KDM4C: variants seen among roughly 807,000 people sequenced by gnomAD.
KDM4C encodes lysine-specific demethylase 4C.
In KDM4C, 81 loss-of-function variants were observed where a neutral mutation model predicts 129.3. That is an observed-to-expected ratio of 0.63 (90% CI 0.52 to 0.75). The LOEUF (loss-of-function observed/expected upper bound fraction) is 0.75. Among genes scored for constraint, KDM4C ranks in the 30% least tolerant of loss-of-function variants. The probability of loss-of-function intolerance (pLI) is 0.00; values close to 1 mark genes in which losing one functional copy is unlikely to be tolerated. For synonymous variants in KDM4C, 573 were observed against 456.1 expected (o/e 1.26, Z -3.26); for missense variants, 1,457 against 1,304.0 (o/e 1.12, Z -1.81).
At chr9:7,160,554 C>T (rs944356725) in intron 19 of KDM4C, among the ~76,000 whole-genome samples, 5 of 152,136 alleles carry the variant, frequency 3.3e-5, no homozygotes, top group African/African-American at 1.2e-4. Context: ...CTATTCCCTT[C>T]CGGTTGTTAG....
chr9:6,738,011 G>A (rs1217467981), intron 1 of KDM4C, among the ~76,000 whole-genome samples: 1 of 151,750 alleles, frequency 6.6e-6, no homozygotes, highest in African/African-American at 2.4e-5. Context: ...GCAGGTGCCT[G>A]TAATTCTAGC....
At chr9:6,856,539 CGTGT>C (rs201267627) in intron 5 of KDM4C, among the ~76,000 whole-genome samples, 12,465 of 131,492 alleles carry the variant, frequency 0.095, 615 homozygotes, top group Non-Finnish European at 0.13. Flanking sequence ...TCTCTGTGTG[CGTGT>C]GTGTGTGTGT....
intron 8 of KDM4C, among the ~76,000 whole-genome samples, chr9:6,922,806 CTAAG>C (rs1821777461): frequency 6.6e-6 from 1 of 152,216 alleles, no homozygotes; most frequent in African/African-American, 2.4e-5. Flanking sequence ...ACAAATGTCA[CTAAG>C]TTTCTTTCAC....
chr9:6,770,033 G>A (rs890511209), intron 1 of KDM4C, among the ~76,000 whole-genome samples: 1 of 152,058 alleles, frequency 6.6e-6, no homozygotes, highest in Non-Finnish European at 1.5e-5. Flanking sequence ...ACAAAAATTA[G>A]CCGGGCATGG....
chr9:6,865,708 G>T (rs1159416299), intron 5 of KDM4C, among the ~76,000 whole-genome samples: 2 of 151,948 alleles, frequency 1.3e-5, no homozygotes, highest in African/African-American at 4.8e-5. Context: ...GGGATTACAG[G>T]CATGTGCCAC....
At chr9:7,136,828 G>T (rs960762738) in intron 19 of KDM4C, among the ~76,000 whole-genome samples, 1 of 152,076 alleles carries the variant, frequency 6.6e-6, no homozygotes, top group African/African-American at 2.4e-5. Flanking sequence ...TTTTGATGAA[G>T]CCCAATTTGT....
intron 2 of KDM4C, among the ~76,000 whole-genome samples, chr9:6,805,357 A>G (rs1829770266): frequency 6.6e-6 from 1 of 152,206 alleles, no homozygotes. Context: ...AGATGTTAAT[A>G]GTACCTACTC....
chr9:7,075,007 T>C (rs1833730804), intron 17 of KDM4C, among the ~76,000 whole-genome samples: 2 of 152,108 alleles, frequency 1.3e-5, no homozygotes, highest in African/African-American at 4.8e-5. Context: ...ACTCATTAAT[T>C]TGTATATGAA....
chr9:6,730,768 T>C (rs747305640), intron 1 of KDM4C, among the ~76,000 whole-genome samples: 5 of 152,094 alleles, frequency 3.3e-5, no homozygotes, highest in African/African-American at 4.8e-5. Flanking sequence ...GAAGTGACTA[T>C]AGAAATCAGA....
At chr9:7,122,265 A>ACACTCTCTCTCTCTCT (rs375655422) in intron 18 of KDM4C, among the ~76,000 whole-genome samples, 3 of 144,714 alleles carry the variant, frequency 2.1e-5, no homozygotes, top group African/African-American at 7.8e-5. Flanking sequence ...ACACACACAC[A>ACACTCTCTCTCTCTCT]CTCTCTCTCT....
At chr9:7,074,524 G>A (rs1833647927) in intron 17 of KDM4C, among the ~76,000 whole-genome samples, 1 of 151,976 alleles carries the variant, frequency 6.6e-6, no homozygotes, top group Non-Finnish European at 1.5e-5. Context: ...GAAAACTTTT[G>A]TTTAGAAAGT....
At chr9:6,787,784 T>A (rs559255715) in intron 1 of KDM4C, among the ~76,000 whole-genome samples, 4 of 152,320 alleles carry the variant, frequency 2.6e-5, no homozygotes, top group African/African-American at 9.6e-5. Context: ...AGCCAGCTCA[T>A]TTCTCTGCTT....
intron 20 of KDM4C, among the ~76,000 whole-genome samples, chr9:7,168,000 G>A (rs1844575501): frequency 3.9e-5 from 6 of 152,016 alleles, no homozygotes; most frequent in Admixed American, 3.9e-4. Flanking sequence ...TCGCCAACGT[G>A]GTGCAACCCC....
At chr9:7,055,997 A>G (rs906500339) in intron 17 of KDM4C, among the ~76,000 whole-genome samples, 40 of 152,360 alleles carry the variant, frequency 2.6e-4, no homozygotes, top group African/African-American at 9.6e-4. Context: ...GCAATCAGAA[A>G]AAGTCAGTAT....
chr9:7,052,714 G>T (rs1364897476), intron 17 of KDM4C, among the ~76,000 whole-genome samples: 2 of 152,146 alleles, frequency 1.3e-5, no homozygotes, highest in Non-Finnish European at 2.9e-5. Context: ...GATTGAAAAT[G>T]AGTGGACAAG....
intron 6 of KDM4C, among the ~76,000 whole-genome samples, chr9:6,886,898 G>A (rs532853704): frequency 3.9e-5 from 6 of 152,288 alleles, no homozygotes; most frequent in African/African-American, 7.2e-5. Context: ...GATTACAGGC[G>A]TGAGTCACCG....
intron 5 of KDM4C, among the ~76,000 whole-genome samples, chr9:6,877,074 C>A (rs1303625018): frequency 6.6e-6 from 1 of 152,194 alleles, no homozygotes; most frequent in Non-Finnish European, 1.5e-5. Flanking sequence ...CTGGGTACTT[C>A]ATCCCTGAGG....
intron 19 of KDM4C, among the ~76,000 whole-genome samples, chr9:7,139,898 T>TAG (rs1426130446): frequency 6.6e-6 from 1 of 152,200 alleles, no homozygotes; most frequent in Non-Finnish European, 1.5e-5. Context: ...AGGCAAGTTT[T>TAG]AGAGCAAGAG....
intron 12 of KDM4C, among the ~76,000 whole-genome samples, chr9:7,003,081 G>A (rs994541186): frequency 6.6e-6 from 1 of 152,148 alleles, no homozygotes; most frequent in Non-Finnish European, 1.5e-5. Context: ...TGTCAGGCTG[G>A]TCTCGAACTC....
Sources: allele counts gnomAD v4.1 joint callset (sites outside exome capture counted in the v4.1 genomes callset), GRCh38; gene constraint gnomAD v4.1.1; transcripts MANE v1.5; gene names NCBI Gene and HGNC (gene_info 2026-07-23, HGNC 2026-07-21).